Variants in KCNB2 observed in about 807,000 individuals in gnomAD.
The protein encoded by KCNB2 is delayed rectifier potassium channel protein.
A neutral mutation model predicts 61.5 loss-of-function variants in KCNB2; 15 were observed. That is an observed-to-expected ratio of 0.24 (90% CI 0.16 to 0.38). The LOEUF (loss-of-function observed/expected upper bound fraction) is 0.38, where lower values mean the gene tolerates loss of function less well. Ranked by LOEUF, KCNB2 falls within the 10% of genes least tolerant of loss-of-function variation. The probability of loss-of-function intolerance (pLI) is 1.00; values close to 1 mark genes in which losing one functional copy is unlikely to be tolerated. For synonymous variants in KCNB2, 457 were observed against 446.0 expected (o/e 1.02, Z -0.31); for missense variants, 828 against 1,125.2 (o/e 0.74, Z 3.78).
At chr8:72,671,649 A>G (rs1806567526) in intron 2 of KCNB2, among the ~76,000 whole-genome samples, 1 of 152,134 alleles carries the variant, frequency 6.6e-6, no homozygotes, top group Admixed American at 6.6e-5. Context: ...TTCTCTTTCA[A>G]TGTGACTCTG....
chr8:72,610,001 G>GA (rs1218776093), intron 2 of KCNB2, among the ~76,000 whole-genome samples: 1 of 152,022 alleles, frequency 6.6e-6, no homozygotes, highest in Non-Finnish European at 1.5e-5. Flanking sequence ...AAAAGATCCT[G>GA]AAAACCTAAA....
chr8:72,718,287 C>G (rs993652352), intron 2 of KCNB2, among the ~76,000 whole-genome samples: 1 of 152,098 alleles, frequency 6.6e-6, no homozygotes, highest in African/African-American at 2.4e-5. Flanking sequence ...CTAGAAATAC[C>G]ATTTGACCCA....
At position 72,937,819 on chromosome 8, in the gene KCNB2, A is replaced by C. The variant is rs937683500; in HGVS notation, c.2464A>C (p.Arg822=). 6.2e-7 allele frequency: 1 copy of C among 1,613,928 alleles called. No individual in the cohort carries two copies. The highest frequency in any genetic ancestry group is 1.6e-4 in the Middle Eastern group (1 of 6,084). The change falls in exon 3 of 3, where the codon AGG becomes CGG. Residue 822 remains arginine (R), a synonymous_variant. Transcript: ENST00000523207. ...AGACTTCTTAGAGCTCCCAGGGGCA[A>C]GGGAGGAGAAGCAGGTGGACTCCAG... ...DEDFLELPGA[R]EEKQVDSSPN...
chr8:72,541,148 G>T (rs1332092546), intron 1 of KCNB2, among the ~76,000 whole-genome samples: 1 of 151,566 alleles, frequency 6.6e-6, no homozygotes, highest in Non-Finnish European at 1.5e-5. Context: ...CACAAACTAT[G>T]CATTTGGCAG....
intron 2 of KCNB2, among the ~76,000 whole-genome samples, chr8:72,804,682 A>C (rs1362601448): frequency 6.6e-6 from 1 of 152,216 alleles, no homozygotes; most frequent in Non-Finnish European, 1.5e-5. Flanking sequence ...CACATAATTA[A>C]TAAAATGAAA....
intron 2 of KCNB2, among the ~76,000 whole-genome samples, chr8:72,871,142 G>A (rs1393179604): frequency 1.3e-5 from 2 of 152,068 alleles, no homozygotes; most frequent in Admixed American, 1.3e-4. Context: ...ATATCCACCT[G>A]CCAACCTCAC....
intron 2 of KCNB2, among the ~76,000 whole-genome samples, chr8:72,749,951 A>G (rs150141149): frequency 0.02 from 3,053 of 150,624 alleles, 91 homozygotes; most frequent in African/African-American, 0.07. Context: ...AATATTAGTA[A>G]TATCTATGTG....
Position 72,567,809 on chromosome 8 carries a change from G to A in KCNB2, c.75G>A (p.Val25=). The A allele has an allele frequency of 6.2e-7, 1 of 1,613,384 alleles. No individual in the cohort carries two copies. The highest frequency in any genetic ancestry group is 8.5e-7 in the Non-Finnish European group (1 of 1,179,790). The change falls in exon 2 of 3, where the codon GTG becomes GTA. Residue 25 remains valine, a synonymous_variant. Transcript: ENST00000523207. ...RSTLSLPPEP[V]DIIRSKTCSR... ...CACTTTCCCTTCCTCCAGAGCCTGT[G>A]GACATTATCCGGAGCAAAACATGCT... is the stretch of plus-strand genomic sequence containing the variant.
chr8:72,579,977 A>C (rs1806865886), intron 2 of KCNB2, among the ~76,000 whole-genome samples: 1 of 152,196 alleles, frequency 6.6e-6, no homozygotes, highest in Admixed American at 6.5e-5. Flanking sequence ...TCAAAACAGC[A>C]GGAGGGGAGA....
At chr8:72,820,778 C>T (rs1809484698) in intron 2 of KCNB2, among the ~76,000 whole-genome samples, 1 of 152,140 alleles carries the variant, frequency 6.6e-6, no homozygotes, top group South Asian at 2.1e-4. Context: ...CTGATCCTCT[C>T]TGTCAGATCA....
rs578107413 is a variant in KCNB2 at position 72,751,352 on chromosome 8, T to A, written c.579+183039T>A. On this transcript the variant is annotated intron_variant, in intron 2 of 2. Transcript: ENST00000523207. ...TTTGTAAAACATTCTTATGCATGGA[T>A]ATTAATATTTCATTACAATGTTATA... The A allele has an allele frequency of 2.1e-3, 322 of 152,314 alleles. 2 individuals carry two copies. The highest frequency in any genetic ancestry group is 7.5e-3 in the African/African-American group (313 of 41,560). The allele number at this position is 152,314 out of a possible 1,614,324, so 9.4% of individuals were successfully genotyped here.
chr8:72,545,799 T>C (rs528157512), intron 1 of KCNB2, among the ~76,000 whole-genome samples: 1 of 152,256 alleles, frequency 6.6e-6, no homozygotes, highest in African/African-American at 2.4e-5. Flanking sequence ...GTTAGCCAAG[T>C]TGTGAATGCA....
At chr8:72,705,965 T>C (rs1807216657) in intron 2 of KCNB2, among the ~76,000 whole-genome samples, 1 of 152,286 alleles carries the variant, frequency 6.6e-6, no homozygotes, top group South Asian at 2.1e-4. Context: ...TGTGCTACTA[T>C]ATGGAGAGTT....
At chr8:72,920,473 C>CTATATATATA (rs1554544463) in intron 2 of KCNB2, among the ~76,000 whole-genome samples, 1 of 78,742 alleles carries the variant, frequency 1.3e-5, no homozygotes, top group African/African-American at 4.5e-5. Flanking sequence ...ATCTATCTAT[C>CTATATATATA]TATATATATA....
At chr8:72,562,023 A>G (rs1404910282) in intron 1 of KCNB2, among the ~76,000 whole-genome samples, 2 of 151,666 alleles carry the variant, frequency 1.3e-5, no homozygotes, top group African/African-American at 4.8e-5. Flanking sequence ...AATGCTATAC[A>G]TGAAAATTTA....
At chr8:72,624,866 C>G (rs1011484904) in intron 2 of KCNB2, among the ~76,000 whole-genome samples, 2 of 152,204 alleles carry the variant, frequency 1.3e-5, no homozygotes, top group Admixed American at 1.3e-4. Context: ...ATGCCAGCTG[C>G]CATGCTGTGG....
At chr8:72,631,508 A>G (rs993959677) in intron 2 of KCNB2, among the ~76,000 whole-genome samples, 1 of 152,118 alleles carries the variant, frequency 6.6e-6, no homozygotes, top group Admixed American at 6.5e-5. Context: ...TTATAAGAAC[A>G]TCAGTCATAT....
chr8:72,576,583 A>G (rs13260316), intron 2 of KCNB2, among the ~76,000 whole-genome samples: 88,943 of 152,068 alleles, frequency 0.58, 29,634 homozygotes, highest in Non-Finnish European at 0.72. Flanking sequence ...GGTCATTAAA[A>G]TCCTTTCTCC....
intron 2 of KCNB2, among the ~76,000 whole-genome samples, chr8:72,765,171 G>A (rs1808442159): frequency 6.6e-6 from 1 of 152,170 alleles, no homozygotes; most frequent in East Asian, 1.9e-4. Context: ...ATTCCCCACA[G>A]CCAAGCTGAG....
Sources: gnomAD v4.1 joint callset for allele counts (sites outside exome capture counted in the v4.1 genomes callset) on GRCh38, gnomAD v4.1.1 for gene constraint, MANE v1.5 for transcripts, NCBI Gene and HGNC (gene_info 2026-07-23, HGNC 2026-07-21) for gene names.